Variants in FRMD4A observed in about 807,000 individuals in gnomAD.
FRMD4A encodes the protein FERM domain containing 4A.
Under a neutral mutation model 129.1 loss-of-function variants are expected in FRMD4A, and 29 were observed. The ratio of observed to expected loss-of-function variants is 0.22; its 90% CI spans 0.17 to 0.31. The LOEUF is 0.31. Among genes scored for constraint, FRMD4A ranks in the 10% least tolerant of loss-of-function variants. The pLI is 1.00. For missense variants in FRMD4A, 1,272 were observed against 1,375.8 expected, an observed-to-expected ratio of 0.92 and a Z score of 1.19; for synonymous variants, 634 against 571.6, an observed-to-expected ratio of 1.11 and a Z score of -1.56.
In FRMD4A at chr10:13,992,916, G is replaced by A. The variant is rs1327062746; in HGVS notation, c.46-134004C>T. On this transcript the variant is annotated intron_variant, in intron 2 of 24. Transcript: ENST00000357447. Reference sequence around the variant, plus strand: ...TGCAGTGTGCCAAGATTGTGCCATTGCACTCCAGCCTGGGCAATAGAGTGA... The same window carrying A: ...TGCAGTGTGCCAAGATTGTGCCATTACACTCCAGCCTGGGCAATAGAGTGA... Among the ~76,000 whole-genome samples, 3 of 119,818 alleles carry A rather than the reference G, an allele frequency of 2.5e-5. No homozygotes were observed. In the Admixed American group the frequency reaches 3.6e-4, roughly 14 times the overall value. The allele number at this position is 119,818 out of a possible 152,430, so 78.6% of individuals were successfully genotyped here.
intron 2 of FRMD4A, among the ~76,000 whole-genome samples, chr10:14,208,319 G>A (rs1842843301): frequency 6.6e-6 from 1 of 152,182 alleles, no homozygotes. Context: ...AAAGTGTGTT[G>A]TTCAGGGTGC....
At chr10:13,908,371 C>T (rs1565016745) in intron 2 of FRMD4A, among the ~76,000 whole-genome samples, 1 of 152,144 alleles carries the variant, frequency 6.6e-6, no homozygotes, top group Non-Finnish European at 1.5e-5. Context: ...CTAGCATTCC[C>T]TATTTGTTTC....
At chr10:13,648,749 A>C (rs942428211) in intron 24 of FRMD4A, 3 of 152,216 alleles carry the variant, frequency 2.0e-5, no homozygotes, top group African/African-American at 7.2e-5. Flanking sequence ...TTCATATGTA[A>C]CTAACGAATA....
chr10:14,085,153 A>C (rs145147220), intron 2 of FRMD4A, among the ~76,000 whole-genome samples: 3 of 152,330 alleles, frequency 2.0e-5, no homozygotes, highest in Non-Finnish European at 4.4e-5. Context: ...CATGCTCTGG[A>C]AACTTTCATG....
intron 2 of FRMD4A, among the ~76,000 whole-genome samples, chr10:14,093,628 T>C (rs1836778778): frequency 1.3e-5 from 2 of 152,228 alleles, no homozygotes; most frequent in African/African-American, 2.4e-5. Flanking sequence ...AAAGAAAATA[T>C]GTTTATGGAC....
chr10:13,956,302 G>A (rs1184287180), intron 2 of FRMD4A, among the ~76,000 whole-genome samples: 1 of 152,170 alleles, frequency 6.6e-6, no homozygotes, highest in East Asian at 1.9e-4. Context: ...GCAGGCATGA[G>A]CCACCACACC....
chr10:13,718,435 G>A (rs879864913), intron 12 of FRMD4A, among the ~76,000 whole-genome samples: 3 of 152,260 alleles, frequency 2.0e-5, no homozygotes, highest in African/African-American at 4.8e-5. Flanking sequence ...CGCTTGACCC[G>A]AGACATGCAG....
chr10:13,699,664 G>A (rs2086615154), intron 14 of FRMD4A, among the ~76,000 whole-genome samples: 1 of 152,142 alleles, frequency 6.6e-6, no homozygotes, highest in African/African-American at 2.4e-5. Flanking sequence ...GGAACTGGCA[G>A]TGGGGTTCAG....
chr10:14,326,873 C>T (rs1270188242), intron 2 of FRMD4A: 1 of 398,426 alleles, frequency 2.5e-6, no homozygotes, highest in Non-Finnish European at 4.4e-6. Context: ...GCCTGAGATT[C>T]TTGCAAAGAT....
At chr10:13,757,830 G>A (rs1363486090) in intron 8 of FRMD4A, among the ~76,000 whole-genome samples, 1 of 152,108 alleles carries the variant, frequency 6.6e-6, no homozygotes, top group Non-Finnish European at 1.5e-5. Context: ...TGCAACCTCC[G>A]CCTACCAGGT....
chr10:14,195,693 A>G (rs891846569), intron 2 of FRMD4A, among the ~76,000 whole-genome samples: 4 of 152,216 alleles, frequency 2.6e-5, no homozygotes, highest in Non-Finnish European at 5.9e-5. Context: ...GGAAGGTGGT[A>G]ATATTCATGA....
At chr10:13,672,680 G>C (rs1159301968) in intron 16 of FRMD4A, among the ~76,000 whole-genome samples, 3 of 151,910 alleles carry the variant, frequency 2.0e-5, no homozygotes. Context: ...GCCTCGGCTT[G>C]GTGCCTCCCT....
At chr10:14,223,482 C>T (rs1049675271) in intron 2 of FRMD4A, among the ~76,000 whole-genome samples, 2 of 152,140 alleles carry the variant, frequency 1.3e-5, no homozygotes, top group African/African-American at 4.8e-5. Flanking sequence ...TGACTCATAC[C>T]TGTAATCCCA....
intron 2 of FRMD4A, among the ~76,000 whole-genome samples, chr10:14,233,090 T>G (rs1564405019): frequency 6.6e-6 from 1 of 152,238 alleles, no homozygotes; most frequent in East Asian, 1.9e-4. Context: ...CTCAGTTTCC[T>G]TATCTGTAAG....
intron 15 of FRMD4A, 75 bp from the exon 16 acceptor site, chr10:13,675,119 A>C: frequency 7.3e-7 from 1 of 1,377,126 alleles, no homozygotes. Context: ...ATTTAACTGG[A>C]GCCCATGCTG....
chr10:13,763,889 C>T (rs1314705314), intron 6 of FRMD4A, among the ~76,000 whole-genome samples: 1 of 151,990 alleles, frequency 6.6e-6, no homozygotes, highest in Non-Finnish European at 1.5e-5. Context: ...GCATACACCA[C>T]CACACCGGAT....
chr10:13,670,794 C>T (rs11258510), intron 16 of FRMD4A, among the ~76,000 whole-genome samples: 52,220 of 152,052 alleles, frequency 0.34, 10,080 homozygotes, highest in Non-Finnish European at 0.44. Context: ...CTGTAATTGC[C>T]ATTTGACTTT....
At chr10:14,055,563 C>T (rs1224483986) in intron 2 of FRMD4A, among the ~76,000 whole-genome samples, 1 of 152,120 alleles carries the variant, frequency 6.6e-6, no homozygotes, top group Non-Finnish European at 1.5e-5. Flanking sequence ...TATTTTCTCA[C>T]AAGGATTCTG....
At chr10:14,036,459 G>T (rs1439144585) in intron 2 of FRMD4A, among the ~76,000 whole-genome samples, 1 of 152,176 alleles carries the variant, frequency 6.6e-6, no homozygotes, top group Non-Finnish European at 1.5e-5. Context: ...TGCAGAAAAG[G>T]GACAAAGCCA....
Sources: gnomAD v4.1 joint callset for allele counts (sites outside exome capture counted in the v4.1 genomes callset) on GRCh38, gnomAD v4.1.1 for gene constraint, MANE v1.5 for transcripts, NCBI Gene and HGNC (gene_info 2026-07-23, HGNC 2026-07-21) for gene names.